Variants in MOB3B observed in about 807,000 individuals in gnomAD.
The protein encoded by MOB3B is MOB kinase activator 3B.
In MOB3B, 7 loss-of-function variants were observed where a neutral mutation model predicts 18.7. The ratio of observed to expected loss-of-function variants is 0.37; its 90% CI spans 0.21 to 0.70. MOB3B has a LOEUF of 0.70. Among genes scored for constraint, MOB3B ranks in the 30% least tolerant of loss-of-function variants. MOB3B has a pLI of 0.52. For missense variants in MOB3B, 253 were observed against 281.3 expected (o/e 0.90, Z 0.72); for synonymous variants, 111 against 99.9 (o/e 1.11, Z -0.66).
At chr9:27,369,770 T>C (rs1469013563) in intron 2 of MOB3B, among the ~76,000 whole-genome samples, 1 of 152,202 alleles carries the variant, frequency 6.6e-6, no homozygotes, top group African/African-American at 2.4e-5. Flanking sequence ...CTTCCTCAGC[T>C]TCTCCATTTC....
chr9:27,411,561 A>G (rs1199842622), intron 2 of MOB3B, among the ~76,000 whole-genome samples: 3 of 152,232 alleles, frequency 2.0e-5, no homozygotes, highest in Non-Finnish European at 4.4e-5. Flanking sequence ...AATTAGGCAA[A>G]GTGTCCTGAA....
chr9:27,511,789 A>G (rs1010843823), intron 1 of MOB3B, among the ~76,000 whole-genome samples: 18 of 152,222 alleles, frequency 1.2e-4, no homozygotes, highest in African/African-American at 4.3e-4. Context: ...AATGTGCCCC[A>G]TTATGCCAGC....
chr9:27,523,092 C>T (rs1430587107), intron 1 of MOB3B, among the ~76,000 whole-genome samples: 1 of 152,048 alleles, frequency 6.6e-6, no homozygotes, highest in East Asian at 1.9e-4. Context: ...TACCATTTTA[C>T]AATGACTTAA....
chr9:27,372,220 C>T (rs140216506), intron 2 of MOB3B, among the ~76,000 whole-genome samples: 1 of 152,028 alleles, frequency 6.6e-6, no homozygotes, highest in Non-Finnish European at 1.5e-5. Context: ...ATGACAGGGG[C>T]GTAGGAGCCA....
chr9:27,427,939 G>T (rs903916599), intron 2 of MOB3B, among the ~76,000 whole-genome samples: 4 of 152,114 alleles, frequency 2.6e-5, no homozygotes, highest in African/African-American at 9.7e-5. Flanking sequence ...TTTTACACCT[G>T]TGGGCCTGGC....
At chr9:27,503,518 G>A (rs1475791628) in intron 1 of MOB3B, among the ~76,000 whole-genome samples, 2 of 152,332 alleles carry the variant, frequency 1.3e-5, no homozygotes, top group African/African-American at 2.4e-5. Flanking sequence ...TGCCTTCTCC[G>A]TCAGCAGCAG....
intron 2 of MOB3B, among the ~76,000 whole-genome samples, chr9:27,360,654 C>G (rs1049896969): frequency 9.9e-5 from 15 of 152,206 alleles, no homozygotes; most frequent in African/African-American, 3.6e-4. Flanking sequence ...TGCTGTCCTT[C>G]CCTCCACAGA....
intron 2 of MOB3B, among the ~76,000 whole-genome samples, chr9:27,430,432 T>G (rs2131421823): frequency 6.6e-6 from 1 of 152,338 alleles, no homozygotes; most frequent in South Asian, 2.1e-4. Context: ...CAAAGGAAGC[T>G]ACCTCATCTT....
chr9:27,357,248 C>T (rs1821206225), intron 3 of MOB3B, among the ~76,000 whole-genome samples: 1 of 147,636 alleles, frequency 6.8e-6, no homozygotes, highest in Non-Finnish European at 1.5e-5. Flanking sequence ...TTGCCAGGTA[C>T]AGGTACTGTA....
intron 3 of MOB3B, among the ~76,000 whole-genome samples, chr9:27,347,550 C>T (rs1323870043): frequency 1.3e-5 from 2 of 152,204 alleles, no homozygotes; most frequent in Admixed American, 6.5e-5. Flanking sequence ...GTGGTGATCG[C>T]TGCCAGCAGG....
Position 27,328,942 on chromosome 9 carries a change from T to C in MOB3B, c.*1645A>G, listed in dbSNP as rs1000167056. The C allele has an allele frequency of 6.6e-6, 1 of 152,610 alleles. No homozygotes were observed. The highest frequency in any genetic ancestry group is 1.5e-5 in the Non-Finnish European group (1 of 68,042). The allele number at this position is 152,610 out of a possible 1,614,324, so 9.5% of individuals were successfully genotyped here. A position where few individuals can be genotyped will look rare whatever the true frequency, so the allele number is the denominator to read the frequency against. ...CAGCAACATGGTGAGGTAGCAGCAA[T>C]TGGATTCCGTGAGATGACCTTTACG... On this transcript the variant is annotated 3_prime_UTR_variant, in exon 4 of 4. Transcript: ENST00000262244.
At chr9:27,402,358 C>T (rs1821897989) in intron 2 of MOB3B, among the ~76,000 whole-genome samples, 2 of 152,220 alleles carry the variant, frequency 1.3e-5, no homozygotes, top group Non-Finnish European at 1.5e-5. Flanking sequence ...TTGATTCCCA[C>T]ACAATGCCCG....
intron 2 of MOB3B, among the ~76,000 whole-genome samples, chr9:27,443,879 G>A (rs989012122): frequency 6.6e-6 from 1 of 152,064 alleles, no homozygotes; most frequent in Non-Finnish European, 1.5e-5. Flanking sequence ...TCCTTGGGCT[G>A]TCAATAATTA....
intron 2 of MOB3B, among the ~76,000 whole-genome samples, chr9:27,429,567 AATGGCTC>A (rs1440938183): frequency 6.6e-6 from 1 of 152,188 alleles, no homozygotes; most frequent in Non-Finnish European, 1.5e-5. Context: ...GAACTAAGAC[AATGGCTC>A]ATTGTCTTAC....
chr9:27,346,082 C>T (rs1295098732), intron 3 of MOB3B, among the ~76,000 whole-genome samples: 1 of 152,210 alleles, frequency 6.6e-6, no homozygotes, highest in East Asian at 1.9e-4. Flanking sequence ...GATCCACCCT[C>T]ATGAATGGGA....
At chr9:27,359,659 TTTTC>T (rs1270149796) in intron 2 of MOB3B, among the ~76,000 whole-genome samples, 13 of 152,198 alleles carry the variant, frequency 8.5e-5, no homozygotes, top group Non-Finnish European at 1.6e-4. Context: ...TCTGCAAAGC[TTTTC>T]CTGAGGTATA....
Position 27,325,214 on chromosome 9 carries a change from G to C in MOB3B, c.*5373C>G, listed in dbSNP as rs934941395. The C allele has an allele frequency of 2.6e-5, 4 of 151,574 alleles. No homozygotes were observed. Among genetic ancestry groups the C allele is most frequent in the Non-Finnish European group, 2.9e-5 (2 of 67,920 alleles). The allele number at this position is 151,574 out of a possible 1,614,324, so 9.4% of individuals were successfully genotyped here. A position where few individuals can be genotyped will look rare whatever the true frequency, so the allele number is the denominator to read the frequency against. On this transcript the variant is annotated 3_prime_UTR_variant, in exon 4 of 4. Coordinates refer to ENST00000262244, the MANE Select transcript of MOB3B (RefSeq NM_024761.5). ...TTAAAAAAAGACAGACTAGATAATG[G>C]TTATATGCTTTTTATTTGTGACATT... is the stretch of plus-strand genomic sequence containing the variant.
chr9:27,349,130 A>C (rs1392979857), intron 3 of MOB3B, among the ~76,000 whole-genome samples: 2 of 152,234 alleles, frequency 1.3e-5, no homozygotes, highest in Admixed American at 1.3e-4. Context: ...ATAGGACTCT[A>C]TTAGCACCAA....
At chr9:27,396,560 T>A (rs891961092) in intron 2 of MOB3B, among the ~76,000 whole-genome samples, 1 of 152,216 alleles carries the variant, frequency 6.6e-6, no homozygotes, top group Non-Finnish European at 1.5e-5. Context: ...TCCTTTCTAA[T>A]CATATTTCCT....
Sources: allele counts gnomAD v4.1 joint callset (sites outside exome capture counted in the v4.1 genomes callset), GRCh38; gene constraint gnomAD v4.1.1; transcripts MANE v1.5; gene names NCBI Gene and HGNC (gene_info 2026-07-23, HGNC 2026-07-21).